AGO1: variants seen among roughly 807,000 people sequenced by gnomAD.
AGO1 encodes protein argonaute-1.
Under a neutral mutation model 109.2 loss-of-function variants are expected in AGO1, and 11 were observed. The ratio of observed to expected loss-of-function variants is 0.10; its 90% confidence interval spans 0.06 to 0.17. The LOEUF (loss-of-function observed/expected upper bound fraction) is 0.17. AGO1 is among the 10% of genes least tolerant of loss of function. The probability of loss-of-function intolerance (pLI) is 1.00; values close to 1 mark genes in which losing one functional copy is unlikely to be tolerated. For missense variants in AGO1, 574 were observed against 1,140.3 expected, an observed-to-expected ratio of 0.50 and a Z score of 7.15; for synonymous variants, 422 against 418.6, an observed-to-expected ratio of 1.01 and a Z score of -0.10.
chr1:35,914,307 T>G, intron 14 of AGO1, 33 bp downstream of exon 14: 1 of 1,576,746 alleles, frequency 6.3e-7, no homozygotes, highest in South Asian at 1.1e-5. Context: ...CTCATAAGGT[T>G]CTCCTCTTCG....
intron 12 of AGO1, among the ~76,000 whole-genome samples, chr1:35,908,742 G>A (rs540730675): frequency 5.6e-4 from 84 of 149,694 alleles, no homozygotes; most frequent in South Asian, 1.1e-3. Flanking sequence ...CACCTTCATT[G>A]TTCTTCTTCA....
At chr1:35,876,114 G>A (rs1398851872) in intron 1 of AGO1, among the ~76,000 whole-genome samples, 1 of 152,174 alleles carries the variant, frequency 6.6e-6, no homozygotes, top group Non-Finnish European at 1.5e-5. Flanking sequence ...ATGACTTTGA[G>A]GGGTTCAAGA....
Position 35,902,247 on chromosome 1 carries a change from G to A in AGO1, c.1307G>A (p.Arg436Gln). The A allele has an allele frequency of 6.2e-7, 1 of 1,614,064 alleles. No individual in the cohort carries two copies. The highest frequency in any genetic ancestry group is 8.5e-7 in the Non-Finnish European group (1 of 1,179,978). The change falls in exon 11 of 19, where the codon CGG (arginine) becomes CAG (glutamine). Residue 436 changes from arginine (R) to glutamine (Q), a missense_variant. Coordinates refer to ENST00000373204, the MANE Select transcript of AGO1 (RefSeq NM_012199.5). The stretch of plus-strand genomic sequence containing the variant: ...CCCAATCAGGGTGTCTGGGACATGC[G>A]GGGGAAACAGTTCTACAATGGGATT... ...ATPNQGVWDM[R>Q]GKQFYNGIEI... is the part of the protein sequence containing the mutation.
intron 12 of AGO1, among the ~76,000 whole-genome samples, chr1:35,910,939 G>A (rs918028645): frequency 2.6e-5 from 4 of 152,096 alleles, no homozygotes; most frequent in South Asian, 2.1e-4. Context: ...GGTGGCGGGC[G>A]CCTGTAATCC....
intron 12 of AGO1, among the ~76,000 whole-genome samples, chr1:35,912,619 C>T (rs902997156): frequency 1.3e-5 from 2 of 152,072 alleles, no homozygotes; most frequent in African/African-American, 4.8e-5. Flanking sequence ...GTCACCCAGG[C>T]TGTAGTGCAG....
rs1229149074 is a variant in AGO1 at position 35,885,550 on chromosome 1, A to G, written c.25+2104A>G. ...CTTCCTAGGCCCGGACTGTTCTCTT[A>G]TAAGAAGTTAGAGTGGTGTCCCAAG... is the stretch of plus-strand genomic sequence containing the variant. On this transcript the variant is annotated intron_variant, in intron 1 of 18. Coordinates refer to ENST00000373204, the MANE Select transcript of AGO1 (RefSeq NM_012199.5). 1.3e-5 allele frequency among the ~76,000 whole-genome samples: 2 copies of G among 152,180 alleles called. 1 individual carries two copies. Among genetic ancestry groups the G allele is most frequent in the Non-Finnish European group, 2.9e-5 (2 of 68,016 alleles).
intron 10 of AGO1, 21 bp downstream of exon 10, chr1:35,902,091 A>G (rs761830877): frequency 1.5e-5 from 24 of 1,592,336 alleles, no homozygotes; most frequent in Non-Finnish European, 2.1e-5. Flanking sequence ...TCAGGGCCAG[A>G]CAACATCTCG....
intron 1 of AGO1, among the ~76,000 whole-genome samples, chr1:35,876,451 A>G (rs994724952): frequency 2.6e-5 from 4 of 151,888 alleles, no homozygotes; most frequent in African/African-American, 7.3e-5. Context: ...TATTTTTAGT[A>G]GAGACTGGGT....
In AGO1 at chr1:35,914,304, G is replaced by A. The variant is rs771455825; in HGVS notation, c.1833+30G>A. 5.1e-6 allele frequency: 8 copies of A among 1,582,340 alleles called. No individual in the cohort carries two copies. The Admixed American group carries it at 1.2e-4, about 23-fold the overall frequency. ...GTGATATTCTGTAGCTGCCTCATAA[G>A]GTTCTCCTCTTCGCTCTGAGTCCTC... On this transcript the variant is annotated intron_variant, in intron 14 of 18. Transcript: ENST00000373204.
rs1189626933 is a variant in AGO1, at chr1:35,930,384, G to A, written c.*10777G>A. ...CAGAGAAGCTCCAAGTCAGAAAAAA[G>A]CAGCGGTTGGCCCGTTGGGAGAATT... On this transcript the variant is annotated 3_prime_UTR_variant, in exon 19 of 19. Transcript: ENST00000373204. The A allele has an allele frequency of 5.9e-5, 9 of 152,238 alleles. No individual in the cohort carries two copies. The highest frequency in any genetic ancestry group is 1.2e-4 in the Non-Finnish European group (8 of 68,078). 9.4% of individuals were successfully genotyped at this position (152,238 alleles called of 1,614,324 possible).
At position 35,883,578 on chromosome 1, in the gene AGO1, T is replaced by A; in HGVS notation, c.25+132T>A. ...GCTCTCCCACGATGGGGGCCCAGTT[T>A]GAAGGAGGCTGTGTGCAGTTCCGGG... On this transcript the variant is annotated intron_variant, in intron 1 of 18. Coordinates refer to ENST00000373204, the MANE Select transcript of AGO1 (RefSeq NM_012199.5). The surrounding 1 kb of genome is among the most constrained non-coding windows in gnomAD (Gnocchi z 5.4). 1 of 1,329,804 alleles carries A rather than the reference T, an allele frequency of 7.5e-7. No homozygotes were observed. The highest frequency in any genetic ancestry group is 9.8e-7 in the Non-Finnish European group (1 of 1,018,420). 82.4% of individuals were successfully genotyped at this position (1,329,804 alleles called of 1,614,324 possible).
chr1:35,875,116 A>G (rs1644982515), intron 1 of AGO1, among the ~76,000 whole-genome samples: 1 of 152,254 alleles, frequency 6.6e-6, no homozygotes, highest in Admixed American at 6.5e-5. Context: ...GGCTACACTG[A>G]ACAACAGAGT....
chr1:35,902,274 A>G lies in AGO1; in HGVS notation c.1334A>G (p.Glu445Gly). ...MRGKQFYNGI[E>G]IKVWAIACFA... is the part of the protein sequence containing the mutation. ...GGGAAACAGTTCTACAATGGGATTG[A>G]GATCAAAGTCTGGGCCATCGCCTGC... The change falls in exon 11 of 19, where the codon GAG (glutamate) becomes GGG (glycine). Residue 445 changes from glutamate to glycine, a missense_variant. This residue lies in a region of AGO1 where 106 missense variants were observed against 147.8 expected (regional missense o/e 0.72). Coordinates refer to ENST00000373204, the MANE Select transcript of AGO1 (RefSeq NM_012199.5). 1 of 1,614,190 alleles carries G rather than the reference A, an allele frequency of 6.2e-7. No homozygotes were observed. Among genetic ancestry groups the G allele is most frequent in the Non-Finnish European group, 8.5e-7 (1 of 1,180,042 alleles).
In AGO1 at chr1:35,919,860, C is replaced by T. The variant is rs1288662217; in HGVS notation, c.*253C>T. 2.1e-6 allele frequency: 1 copy of T among 487,314 alleles called. No individual in the cohort carries two copies. Among genetic ancestry groups the T allele is most frequent in the Non-Finnish European group, 3.7e-6 (1 of 270,456 alleles). 30.2% of individuals were successfully genotyped at this position (487,314 alleles called of 1,614,324 possible). The stretch of plus-strand genomic sequence containing the variant: ...ATCTTGTCACATCTGGCCCTGACCC[C>T]ACTGGACCAAAAGGGGCAGCACTGG... On this transcript the variant is annotated 3_prime_UTR_variant, in exon 19 of 19. Transcript: ENST00000373204. This position sits in a 1 kb window ranked among gnomAD's most constrained non-coding sequence, Gnocchi z 6.6.
chr1:35,871,537 G>A lies in AGO1; in HGVS notation c.-201+1634G>A, dbSNP rs573283390. Reference sequence around the variant, plus strand: ...CAGCCTGGTGACAGAGCAAGACTCCGTCTCAAAAAAAAAGAAAAAAAAAAG... The same window carrying A: ...CAGCCTGGTGACAGAGCAAGACTCCATCTCAAAAAAAAAGAAAAAAAAAAG... On this transcript the variant is annotated intron_variant, in intron 1 of 18. Transcript: ENST00000373206. Among the ~76,000 whole-genome samples the A allele has an allele frequency of 6.1e-5, 9 of 147,460 alleles. No homozygotes were observed. In the East Asian group the frequency reaches 6.1e-4, roughly 10 times the overall value.
intron 8 of AGO1, among the ~76,000 whole-genome samples, chr1:35,899,848 T>G (rs895758968): frequency 2.6e-5 from 4 of 152,208 alleles, no homozygotes; most frequent in Non-Finnish European, 4.4e-5. Context: ...AGTGTATTTT[T>G]TTTTCTCATG....
At chr1:35,870,144 C>A (rs978320215) in intron 1 of AGO1, among the ~76,000 whole-genome samples, 1 of 152,010 alleles carries the variant, frequency 6.6e-6, no homozygotes, top group Non-Finnish European at 1.5e-5. Flanking sequence ...TACGTGTACC[C>A]CTCCGCCTGT....
At chr1:35,880,563 A>C (rs114012790), upstream of AGO1, among the ~76,000 whole-genome samples, 1,091 of 152,268 alleles carry the variant, frequency 7.2e-3, 11 homozygotes, top group African/African-American at 0.024. Flanking sequence ...CTGTCTCAAA[A>C]AAAGAATATA....
chr1:35,884,979 T>G (rs1645095727), intron 1 of AGO1, among the ~76,000 whole-genome samples: 1 of 152,206 alleles, frequency 6.6e-6, no homozygotes. Context: ...TTGTTTTTTT[T>G]GTAGCAGACC....
Sources: allele counts gnomAD v4.1 joint callset (sites outside exome capture counted in the v4.1 genomes callset), GRCh38; gene constraint gnomAD v4.1.1; regional missense constraint gnomAD v4.1.1; non-coding constraint Gnocchi (gnomAD v3.1); transcripts MANE v1.5; gene names NCBI Gene and HGNC (gene_info 2026-07-23, HGNC 2026-07-21).